The following DRC11 variants were observed in gnomAD, a reference collection of about 807,000 sequenced individuals.
DRC11 encodes the protein IQ and AAA domain-containing protein 1.
chr2:236,351,455 A>G, the DRC11 span, among the ~76,000 whole-genome samples: 2 of 152,312 alleles, frequency 1.3e-5, no homozygotes, highest in Admixed American at 6.5e-5. This position sits in a 1 kb window ranked among gnomAD's most constrained non-coding sequence, Gnocchi z 7.3. Flanking sequence ...AGGGTGAGGT[A>G]TCCTCACCTG....
chr2:236,414,025 C>T, the DRC11 span, among the ~76,000 whole-genome samples: 933 of 152,318 alleles, frequency 6.1e-3, 10 homozygotes, highest in African/African-American at 0.021. Context: ...GTGCTTTCCA[C>T]AGAGCATTCC....
chr2:236,357,159 C>CAT, the DRC11 span, among the ~76,000 whole-genome samples: 10 of 83,946 alleles, frequency 1.2e-4, 1 homozygote, highest in African/African-American at 1.8e-4. Context: ...ATTATGTATT[C>CAT]ATATATATCT....
chr2:236,347,817 T>C, the DRC11 span, among the ~76,000 whole-genome samples: 2 of 151,052 alleles, frequency 1.3e-5, no homozygotes, highest in African/African-American at 2.4e-5. Context: ...AACTTACTCA[T>C]GTAACCAAAT....
At chr2:236,318,060 G>A in the DRC11 span, among the ~76,000 whole-genome samples, 20 of 152,330 alleles carry the variant, frequency 1.3e-4, no homozygotes, top group African/African-American at 4.8e-4. This position sits in a 1 kb window ranked among gnomAD's most constrained non-coding sequence, Gnocchi z 7.0. Flanking sequence ...TTGTAAAGTG[G>A]TGCAGCGCTT....
At chr2:236,353,063 T>G in the DRC11 span, among the ~76,000 whole-genome samples, 1 of 152,352 alleles carries the variant, frequency 6.6e-6, no homozygotes, top group East Asian at 1.9e-4. This position sits in a 1 kb window ranked among gnomAD's most constrained non-coding sequence, Gnocchi z 5.0. Flanking sequence ...AGTAAAAAAC[T>G]CTCTGCCAAT....
chr2:236,482,775 C>A, the DRC11 span, among the ~76,000 whole-genome samples: 138 of 152,254 alleles, frequency 9.1e-4, 1 homozygote, highest in African/African-American at 3.2e-3. This position sits in a 1 kb window ranked among gnomAD's most constrained non-coding sequence, Gnocchi z 4.5. Context: ...AATGAAATTA[C>A]AGTAGAATCT....
the DRC11 span, chr2:236,324,412 A>C: frequency 3.2e-6 from 1 of 314,014 alleles, no homozygotes; most frequent in African/African-American, 2.1e-5. The surrounding 1 kb of genome is among the most constrained non-coding windows in gnomAD (Gnocchi z 5.7). Context: ...TTTCAGTTAT[A>C]TACAAACTTG....
chr2:236,498,777 C>T, the DRC11 span, among the ~76,000 whole-genome samples: 5,807 of 152,204 alleles, frequency 0.038, 380 homozygotes, highest in African/African-American at 0.13. Flanking sequence ...CTTTATTAGG[C>T]CCTCATGAGT....
At chr2:236,357,354 T>G in the DRC11 span, among the ~76,000 whole-genome samples, 7 of 119,216 alleles carry the variant, frequency 5.9e-5, no homozygotes, top group African/African-American at 2.5e-4. Context: ...ATATTATATG[T>G]ATATATATTA....
the DRC11 span, among the ~76,000 whole-genome samples, chr2:236,323,316 T>C: frequency 6.6e-6 from 1 of 152,168 alleles, no homozygotes; most frequent in Admixed American, 6.5e-5. This position sits in a 1 kb window ranked among gnomAD's most constrained non-coding sequence, Gnocchi z 6.4. Context: ...CAGGCCACCC[T>C]GGGCTTTGGC....
At chr2:236,493,971 G>T in the DRC11 span, 2 of 1,176,682 alleles carry the variant, frequency 1.7e-6, no homozygotes, top group Non-Finnish European at 2.3e-6. Flanking sequence ...GTAAGGACGT[G>T]CACATCAAAG....
the DRC11 span, among the ~76,000 whole-genome samples, chr2:236,498,009 C>T: frequency 2.0e-5 from 3 of 152,098 alleles, no homozygotes; most frequent in Non-Finnish European, 4.4e-5. Flanking sequence ...CTGTAGATAA[C>T]ATAAATGTCC....
the DRC11 span, among the ~76,000 whole-genome samples, chr2:236,452,805 A>C: frequency 1.3e-5 from 2 of 152,190 alleles, no homozygotes; most frequent in African/African-American, 4.8e-5. The surrounding 1 kb of genome is among the most constrained non-coding windows in gnomAD (Gnocchi z 4.7). Flanking sequence ...AATTCTCCTC[A>C]GGCTTGAATC....
the DRC11 span, among the ~76,000 whole-genome samples, chr2:236,357,154 GTATTCATATATATCTATATATTATATA>G: frequency 1.4e-5 from 1 of 72,412 alleles, no homozygotes; most frequent in African/African-American, 1.1e-4. Context: ...TATATATTAT[GTATTCATATATATCTATATATTATATA>G]TATTCATATA....
the DRC11 span, among the ~76,000 whole-genome samples, chr2:236,463,493 A>G: frequency 6.6e-6 from 1 of 152,230 alleles, no homozygotes; most frequent in African/African-American, 2.4e-5. The surrounding 1 kb of genome is among the most constrained non-coding windows in gnomAD (Gnocchi z 5.0). Context: ...TGAATTTTTA[A>G]AAGTCATCAC....
the DRC11 span, among the ~76,000 whole-genome samples, chr2:236,413,587 G>T: frequency 1.3e-5 from 2 of 152,212 alleles, no homozygotes; most frequent in Non-Finnish European, 1.5e-5. This position sits in a 1 kb window ranked among gnomAD's most constrained non-coding sequence, Gnocchi z 4.0. Context: ...CAAGGGATTG[G>T]AGAGGAGGAG....
the DRC11 span, among the ~76,000 whole-genome samples, chr2:236,325,992 G>C: frequency 6.6e-6 from 1 of 152,162 alleles, no homozygotes; most frequent in Non-Finnish European, 1.5e-5. The surrounding 1 kb of genome is among the most constrained non-coding windows in gnomAD (Gnocchi z 4.4). Flanking sequence ...TTTTTCCTTA[G>C]TACTTTGTAG....
the DRC11 span, among the ~76,000 whole-genome samples, chr2:236,478,796 G>T: frequency 6.6e-6 from 1 of 150,402 alleles, no homozygotes; most frequent in East Asian, 1.9e-4. This position sits in a 1 kb window ranked among gnomAD's most constrained non-coding sequence, Gnocchi z 5.9. Context: ...AGCCTTTTTG[G>T]GTTCTTTTTT....
the DRC11 span, among the ~76,000 whole-genome samples, chr2:236,459,019 T>C: frequency 2.0e-5 from 3 of 152,128 alleles, no homozygotes; most frequent in Non-Finnish European, 4.4e-5. Context: ...CACTCCAGCC[T>C]GGGCGACAGA....
Sources: gnomAD v4.1 joint callset for allele counts (sites outside exome capture counted in the v4.1 genomes callset) on GRCh38, gnomAD v4.1.1 for gene constraint, Gnocchi (gnomAD v3.1) non-coding constraint, MANE v1.5 for transcripts, NCBI Gene and HGNC (gene_info 2026-07-23, HGNC 2026-07-21) for gene names.